The following KALRN variants were observed in gnomAD, a reference collection of about 807,000 sequenced individuals.
KALRN encodes kalirin RhoGEF kinase.
KALRN carries 70 observed loss-of-function variants against 353.7 expected under a neutral mutation model. The observed-to-expected ratio is 0.20, with a 90% confidence interval of 0.16 to 0.24. The LOEUF (loss-of-function observed/expected upper bound fraction) is 0.24, where lower values mean the gene tolerates loss of function less well. Ranked by LOEUF, KALRN falls within the 10% of genes least tolerant of loss-of-function variation. The pLI, the probability that KALRN is intolerant of heterozygous loss-of-function variation, is 1.00. For synonymous variants in KALRN, 1,391 were observed against 1,434.8 expected, an observed-to-expected ratio of 0.97 and a Z score of 0.69; for missense variants, 2,791 against 3,756.7, an observed-to-expected ratio of 0.74 and a Z score of 6.72.
intron 51 of KALRN, among the ~76,000 whole-genome samples, chr3:124,690,915 C>T (rs373788261): frequency 5.3e-4 from 81 of 152,224 alleles, no homozygotes; most frequent in African/African-American, 1.9e-3. Context: ...AGAAAGATTG[C>T]GAATAAGACT....
intron 28 of KALRN, among the ~76,000 whole-genome samples, chr3:124,485,739 T>C (rs754628584): frequency 6.6e-6 from 1 of 152,032 alleles, no homozygotes; most frequent in Admixed American, 6.6e-5. Context: ...AATTGCCCAG[T>C]CGTGGTGGCG....
intron 1 of KALRN, among the ~76,000 whole-genome samples, chr3:124,095,342 G>A (rs553852751): frequency 6.6e-6 from 1 of 152,342 alleles, no homozygotes; most frequent in East Asian, 1.9e-4. Flanking sequence ...CCTGATTTAT[G>A]TGACTTTTCT....
At chr3:124,696,617 G>T (rs905090384) in intron 54 of KALRN, among the ~76,000 whole-genome samples, 43 of 152,268 alleles carry the variant, frequency 2.8e-4, no homozygotes, top group African/African-American at 1.0e-3. Context: ...CAAGGCTAAC[G>T]CAATCCTCCC....
intron 3 of KALRN, among the ~76,000 whole-genome samples, chr3:124,260,989 C>T (rs1349510481): frequency 1.3e-5 from 2 of 152,044 alleles, no homozygotes; most frequent in African/African-American, 2.4e-5. Context: ...AAAACACCCA[C>T]ACATAGTGTC....
chr3:124,688,310 CAAAAA>C (rs59265829), intron 51 of KALRN, among the ~76,000 whole-genome samples: 2 of 83,212 alleles, frequency 2.4e-5, no homozygotes, highest in Non-Finnish European at 5.1e-5. Context: ...GAGACCCTGT[CAAAAA>C]AAAAAAAAAA....
intron 34 of KALRN, among the ~76,000 whole-genome samples, chr3:124,568,229 A>AC: frequency 6.6e-6 from 1 of 152,370 alleles, no homozygotes; most frequent in South Asian, 2.1e-4. Context: ...TATACAAGTG[A>AC]CCAATAAGTA....
intron 25 of KALRN, among the ~76,000 whole-genome samples, chr3:124,469,139 T>A (rs2060636256): frequency 6.6e-6 from 1 of 152,238 alleles, no homozygotes; most frequent in African/African-American, 2.4e-5. Context: ...GCAAATAACT[T>A]TATTCATCTG....
intron 1 of KALRN, among the ~76,000 whole-genome samples, chr3:124,116,231 G>A (rs984190025): frequency 6.6e-6 from 1 of 152,154 alleles, no homozygotes; most frequent in African/African-American, 2.4e-5. Context: ...TATTAGTCAT[G>A]CAAGGGCCAG....
At chr3:124,197,458 A>G (rs770780064) in intron 1 of KALRN, among the ~76,000 whole-genome samples, 35 of 152,124 alleles carry the variant, frequency 2.3e-4, no homozygotes, top group Non-Finnish European at 4.3e-4. Context: ...TTTTCATTTT[A>G]TCTTGTCTCG....
chr3:124,607,745 T>C (rs1206374162), intron 34 of KALRN, among the ~76,000 whole-genome samples: 2 of 151,678 alleles, frequency 1.3e-5, no homozygotes, highest in Non-Finnish European at 2.9e-5. Context: ...GCCTCTCAAG[T>C]AGTTGGGATT....
chr3:124,318,507 T>C (rs1007100978), intron 6 of KALRN, among the ~76,000 whole-genome samples: 1 of 152,332 alleles, frequency 6.6e-6, no homozygotes, highest in Non-Finnish European at 1.5e-5. Flanking sequence ...TAATTAATCA[T>C]AAACTAATGA....
intron 1 of KALRN, among the ~76,000 whole-genome samples, chr3:124,049,379 C>T (rs2149134649): frequency 6.6e-6 from 1 of 152,316 alleles, no homozygotes; most frequent in South Asian, 2.1e-4. Context: ...GGTAATATGC[C>T]TGTTTTTACA....
chr3:124,335,064 A>G (rs1473208439), intron 9 of KALRN, among the ~76,000 whole-genome samples: 4 of 152,058 alleles, frequency 2.6e-5, no homozygotes, highest in East Asian at 1.9e-4. Context: ...CAAAGTGTCA[A>G]TATGGGTTAG....
intron 3 of KALRN, among the ~76,000 whole-genome samples, chr3:124,249,429 G>A (rs2070803510): frequency 6.6e-6 from 1 of 152,232 alleles, no homozygotes; most frequent in South Asian, 2.1e-4. Context: ...GAATTCTGGA[G>A]CTTAAAGGCA....
intron 1 of KALRN, among the ~76,000 whole-genome samples, chr3:124,037,814 A>T (rs981615973): frequency 1.3e-5 from 2 of 152,070 alleles, no homozygotes; most frequent in Admixed American, 6.5e-5. Flanking sequence ...TGGGTTGAGG[A>T]GCCTAGAGGA....
chr3:124,056,058 G>GCT (rs1159187381), intron 1 of KALRN, among the ~76,000 whole-genome samples: 6 of 152,198 alleles, frequency 3.9e-5, no homozygotes, highest in Non-Finnish European at 8.8e-5. Context: ...GAGCCTTTGT[G>GCT]CAGATTAAGA....
intron 1 of KALRN, among the ~76,000 whole-genome samples, chr3:124,174,026 A>G (rs1194018289): frequency 1.3e-5 from 2 of 152,214 alleles, no homozygotes; most frequent in Non-Finnish European, 2.9e-5. Flanking sequence ...AAGAAAATAT[A>G]TAAAACTTGT....
chr3:124,047,160 T>C (rs888336941), intron 1 of KALRN, among the ~76,000 whole-genome samples: 5 of 152,180 alleles, frequency 3.3e-5, no homozygotes, highest in Non-Finnish European at 7.3e-5. Context: ...TCACTCTTCT[T>C]TTAGAAAGAT....
chr3:124,614,161 T>C (rs539858528), intron 34 of KALRN, among the ~76,000 whole-genome samples: 2 of 152,328 alleles, frequency 1.3e-5, no homozygotes, highest in East Asian at 1.9e-4. Flanking sequence ...TTAAATAGAA[T>C]GTTAAAGCAT....
Sources: allele counts gnomAD v4.1 joint callset (sites outside exome capture counted in the v4.1 genomes callset), GRCh38; gene constraint gnomAD v4.1.1; transcripts MANE v1.5; gene names NCBI Gene and HGNC (gene_info 2026-07-23, HGNC 2026-07-21).